NLGN1: variants seen among roughly 807,000 people sequenced by gnomAD.
NLGN1 encodes the protein neuroligin-1.
A neutral mutation model predicts 65.5 loss-of-function variants in NLGN1; 12 were observed. That is an observed-to-expected ratio of 0.18 (90% CI 0.12 to 0.30). NLGN1 has a LOEUF of 0.30. Among genes scored for constraint, NLGN1 ranks in the 10% least tolerant of loss-of-function variants. NLGN1 has a pLI of 1.00. For synonymous variants in NLGN1, 350 were observed against 359.5 expected (o/e 0.97, Z 0.30); for missense variants, 750 against 1,007.1 (o/e 0.74, Z 3.46).
intron 4 of NLGN1, among the ~76,000 whole-genome samples, chr3:174,085,103 T>C (rs1742986784): frequency 6.6e-6 from 1 of 152,000 alleles, no homozygotes; most frequent in Admixed American, 6.6e-5. Context: ...AATGTAAACA[T>C]TATTTCTTAA....
chr3:174,105,696 G>GATATCT (rs576719092), intron 4 of NLGN1, among the ~76,000 whole-genome samples: 7 of 151,730 alleles, frequency 4.6e-5, no homozygotes, highest in East Asian at 3.9e-4. Context: ...TGTAGATATA[G>GATATCT]ATATCTATAT....
At chr3:173,812,454 G>A (rs1282275527) in intron 4 of NLGN1, among the ~76,000 whole-genome samples, 10 of 151,960 alleles carry the variant, frequency 6.6e-5, no homozygotes, top group East Asian at 1.9e-4. Flanking sequence ...TAGGCCAGGC[G>A]TGGTGGTGCA....
chr3:173,947,032 A>G (rs1257499831), intron 4 of NLGN1, among the ~76,000 whole-genome samples: 1 of 149,834 alleles, frequency 6.7e-6, no homozygotes, highest in Non-Finnish European at 1.5e-5. Flanking sequence ...ACAGATTGTT[A>G]TGATTAACTA....
chr3:173,659,979 T>C (rs907982666), intron 3 of NLGN1, among the ~76,000 whole-genome samples: 1 of 152,018 alleles, frequency 6.6e-6, no homozygotes, highest in Non-Finnish European at 1.5e-5. Flanking sequence ...TTTACATACT[T>C]GTCCTTAACT....
intron 3 of NLGN1, among the ~76,000 whole-genome samples, chr3:173,731,677 C>A (rs1198720822): frequency 6.6e-6 from 1 of 151,914 alleles, no homozygotes; most frequent in Admixed American, 6.6e-5. Context: ...AAACATTTTT[C>A]ATTATTGCAT....
At chr3:173,587,369 A>G (rs916023067) in intron 2 of NLGN1, among the ~76,000 whole-genome samples, 7 of 152,174 alleles carry the variant, frequency 4.6e-5, no homozygotes, top group African/African-American at 1.7e-4. Context: ...CTTTGTAGGT[A>G]GTAAATCCAC....
At position 174,094,945 on chromosome 3, in the gene NLGN1, G is replaced by A. The variant is rs371936320; in HGVS notation, c.647-180370G>A. Among the ~76,000 whole-genome samples, 19 of 152,160 alleles carry A rather than the reference G, an allele frequency of 1.2e-4. No individual in the cohort carries two copies. The East Asian group carries it at 3.1e-3, about 25-fold the overall frequency. ...CAAGCTGACCACAGATTGGGCTGTA[G>A]CACCCAGCCATTTCTGTCTGTCTTG... On this transcript the variant is annotated intron_variant, in intron 4 of 6. Coordinates refer to ENST00000457714, the Ensembl canonical transcript of NLGN1.
rs529999436 is a variant in NLGN1 at position 173,521,608 on chromosome 3, C to T, written c.-320-82671C>T. Among the ~76,000 whole-genome samples the T allele has an allele frequency of 2.8e-4, 42 of 152,288 alleles. 2 individuals carry two copies. Among genetic ancestry groups the T allele is most frequent in the Admixed American group, 1.8e-3 (27 of 15,288 alleles). Reference sequence around the variant, plus strand: ...TGATCCTCCTAGTTATATCTGCTCCCATAGAAAGTTTGACCTTTTATTTAT... The same window carrying T: ...TGATCCTCCTAGTTATATCTGCTCCTATAGAAAGTTTGACCTTTTATTTAT... On this transcript the variant is annotated intron_variant, in intron 2 of 6. Coordinates refer to ENST00000457714, the Ensembl canonical transcript of NLGN1.
chr3:173,903,109 C>T (rs1737690079), intron 4 of NLGN1, among the ~76,000 whole-genome samples: 1 of 152,094 alleles, frequency 6.6e-6, no homozygotes, highest in Non-Finnish European at 1.5e-5. Context: ...AAGTAAACAG[C>T]AGACAGGTCA....
intron 3 of NLGN1, among the ~76,000 whole-genome samples, chr3:173,672,407 A>G (rs207464078): frequency 6.6e-6 from 1 of 152,196 alleles, no homozygotes; most frequent in Non-Finnish European, 1.5e-5. Flanking sequence ...CGAGATTTGC[A>G]TAAGGTTATT....
At chr3:174,062,788 CTA>C (rs998086284) in intron 4 of NLGN1, among the ~76,000 whole-genome samples, 2 of 151,924 alleles carry the variant, frequency 1.3e-5, no homozygotes, top group Non-Finnish European at 2.9e-5. Context: ...TCTTTAGAAA[CTA>C]TTTTTTCTAT....
intron 4 of NLGN1, among the ~76,000 whole-genome samples, chr3:174,258,117 A>G (rs1746154387): frequency 6.6e-6 from 1 of 152,032 alleles, no homozygotes; most frequent in African/African-American, 2.4e-5. Flanking sequence ...TTTCTTGTAA[A>G]ATTGCTGTAT....
intron 2 of NLGN1, among the ~76,000 whole-genome samples, chr3:173,502,668 G>C (rs1288286585): frequency 6.6e-6 from 1 of 152,086 alleles, no homozygotes; most frequent in East Asian, 1.9e-4. Flanking sequence ...GGTACTACAA[G>C]ACATGTATTA....
At chr3:173,464,288 T>G (rs2148899370) in intron 2 of NLGN1, among the ~76,000 whole-genome samples, 1 of 152,264 alleles carries the variant, frequency 6.6e-6, no homozygotes, top group South Asian at 2.1e-4. Flanking sequence ...TTTAGAGAAA[T>G]CAAGGAATCC....
At chr3:173,459,069 C>T (rs1427928754) in intron 2 of NLGN1, among the ~76,000 whole-genome samples, 1 of 151,934 alleles carries the variant, frequency 6.6e-6, no homozygotes, top group Non-Finnish European at 1.5e-5. Flanking sequence ...GGGAGACACT[C>T]TGTTAAGAAG....
chr3:174,266,006 C>T (rs560212086), intron 4 of NLGN1, among the ~76,000 whole-genome samples: 72 of 145,778 alleles, frequency 4.9e-4, no homozygotes, highest in African/African-American at 1.8e-3. Context: ...ATATATTGCC[C>T]TCAGTGCATA....
intron 4 of NLGN1, among the ~76,000 whole-genome samples, chr3:173,963,794 G>A (rs1004582384): frequency 2.0e-5 from 3 of 152,164 alleles, no homozygotes; most frequent in African/African-American, 7.2e-5. Context: ...CAATTAGTCA[G>A]CTACAGACAC....
At chr3:173,590,471 C>G (rs1748285310) in intron 2 of NLGN1, among the ~76,000 whole-genome samples, 3 of 152,122 alleles carry the variant, frequency 2.0e-5, no homozygotes. Context: ...GAATACTGTA[C>G]TAGTAGTCTG....
At chr3:174,207,415 A>G (rs535974641) in intron 4 of NLGN1, among the ~76,000 whole-genome samples, 140 of 152,314 alleles carry the variant, frequency 9.2e-4, no homozygotes, top group African/African-American at 3.2e-3. Context: ...TATCAAATCA[A>G]TGCACCTGTA....
Sources: gnomAD v4.1 joint callset for allele counts (sites outside exome capture counted in the v4.1 genomes callset) on GRCh38, gnomAD v4.1.1 for gene constraint, MANE v1.5 for transcripts, NCBI Gene and HGNC (gene_info 2026-07-23, HGNC 2026-07-21) for gene names.